The following DPP9 variants were observed in gnomAD, a reference collection of about 807,000 sequenced individuals.
The protein encoded by DPP9 is dipeptidyl peptidase 9.
DPP9 carries 50 observed loss-of-function variants against 110.7 expected under a neutral mutation model. The ratio of observed to expected loss-of-function variants is 0.45; its 90% CI spans 0.36 to 0.57. The LOEUF is 0.57. DPP9 is among the 20% of genes least tolerant of loss of function. The probability of loss-of-function intolerance (pLI) is 0.00; values close to 1 mark genes in which losing one functional copy is unlikely to be tolerated. For missense variants in DPP9, 1,022 were observed against 1,217.9 expected (o/e 0.84, Z 2.39); for synonymous variants, 561 against 514.4 (o/e 1.09, Z -1.23).
rs2091660396 is a variant in DPP9, at chr19:4,694,921, G to C, written c.1354-98C>G. On this transcript the variant is annotated intron_variant, in intron 12 of 21. Coordinates refer to ENST00000262960, the MANE Select transcript of DPP9 (RefSeq NM_139159.5). This position sits in a 1 kb window ranked among gnomAD's most constrained non-coding sequence, Gnocchi z 4.0. ...CCAGTAGTTTGGGAGGCTGGGGCAGGAGACTTGCTTGAGCCCAGGAATTTC... is the reference window on the plus strand; with the variant it reads ...CCAGTAGTTTGGGAGGCTGGGGCAGCAGACTTGCTTGAGCCCAGGAATTTC... 1 of 1,281,170 alleles carries C rather than the reference G, an allele frequency of 7.8e-7. No individual in the cohort carries two copies. The highest frequency in any genetic ancestry group is 1.1e-6 in the Non-Finnish European group (1 of 916,850). The allele number at this position is 1,281,170 out of a possible 1,614,324, so 79.4% of individuals were successfully genotyped here. A position where few individuals can be genotyped will look rare whatever the true frequency, so the allele number is the denominator to read the frequency against.
At chr19:4,678,311 C>T (rs1427461835) in intron 21 of DPP9, among the ~76,000 whole-genome samples, 2 of 151,946 alleles carry the variant, frequency 1.3e-5, no homozygotes, top group Non-Finnish European at 1.5e-5. Flanking sequence ...CGGAGCTTTG[C>T]CATGTTAGCC....
In DPP9 at chr19:4,676,355, CAAG is replaced by C; in HGVS notation, c.*206_*208del. 1.7e-6 allele frequency: 1 copy of C among 581,472 alleles called. No individual in the cohort carries two copies. The highest frequency in any genetic ancestry group is 3.1e-6 in the Non-Finnish European group (1 of 323,868). 36.0% of individuals were successfully genotyped at this position (581,472 alleles called of 1,614,324 possible). On this transcript the variant is annotated 3_prime_UTR_variant, in exon 22 of 22. Coordinates refer to ENST00000262960, the MANE Select transcript of DPP9 (RefSeq NM_139159.5). This position sits in a 1 kb window ranked among gnomAD's most constrained non-coding sequence, Gnocchi z 4.0. ...ACCACCATCTCTCTGTCTCGGCAAC[CAAG>C]AAGCAGCGGACATAAAACCCAAGAG...
At chr19:4,679,480 A>G (rs2089477937) in intron 21 of DPP9, 1 of 291,096 alleles carries the variant, frequency 3.4e-6, no homozygotes, top group Non-Finnish European at 6.7e-6. Context: ...TTCAGCACTC[A>G]GCGGTTTCTT....
Position 4,686,104 on chromosome 19 carries a change from T to C in DPP9, c.1886-333A>G, listed in dbSNP as rs376944561. ...CCAATTAGGATGGTGGGGGTTTTTC[T>C]GTTTTTTTTCTTTTTCTTCTTTTTT... On this transcript the variant is annotated intron_variant, in intron 16 of 21. Coordinates refer to ENST00000262960, the MANE Select transcript of DPP9 (RefSeq NM_139159.5). Among the ~76,000 whole-genome samples, 26 of 151,866 alleles carry C rather than the reference T, an allele frequency of 1.7e-4. No individual in the cohort carries two copies. In the South Asian group the frequency reaches 4.8e-3, roughly 28 times the overall value.
At chr19:4,688,584 G>T in intron 16 of DPP9, 173 bp downstream of exon 16, 2 of 822,084 alleles carry the variant, frequency 2.4e-6, no homozygotes, top group Non-Finnish European at 3.4e-6. Flanking sequence ...GACGGCAGGG[G>T]CTGTGGCTTA....
intron 13 of DPP9, among the ~76,000 whole-genome samples, chr19:4,692,934 G>A (rs989285899): frequency 4.6e-5 from 7 of 152,162 alleles, no homozygotes; most frequent in East Asian, 1.9e-4. Flanking sequence ...CCGCCGGTCC[G>A]CATCATACTC....
In DPP9 at chr19:4,684,144, G is replaced by C. The variant is rs1482749017; in HGVS notation, c.2179-515C>G. On this transcript the variant is annotated intron_variant, in intron 18 of 21. Transcript: ENST00000262960. The surrounding 1 kb of genome is among the most constrained non-coding windows in gnomAD (Gnocchi z 4.8). ...GGGCCCACTCATGTGAATGGGATGAGGGGCCCTTATAAAAGGGCCTGATGG... is the reference window on the plus strand; with the variant it reads ...GGGCCCACTCATGTGAATGGGATGACGGGCCCTTATAAAAGGGCCTGATGG... 3.5e-6 allele frequency: 1 copy of C among 288,068 alleles called. No individual in the cohort carries two copies. Among genetic ancestry groups the C allele is most frequent in the Non-Finnish European group, 6.8e-6 (1 of 145,994 alleles). 17.8% of individuals were successfully genotyped at this position (288,068 alleles called of 1,614,324 possible). A position where few individuals can be genotyped will look rare whatever the true frequency, so the allele number is the denominator to read the frequency against.
In DPP9 at chr19:4,702,240, G is replaced by C. The variant is rs181153754; in HGVS notation, c.884-85C>G. 88 of 1,494,442 alleles carry C rather than the reference G, an allele frequency of 5.9e-5. No individual in the cohort carries two copies. In the African/African-American group the frequency reaches 1.2e-3, roughly 20 times the overall value. The allele number at this position is 1,494,442 out of a possible 1,614,324, so 92.6% of individuals were successfully genotyped here. A position where few individuals can be genotyped will look rare whatever the true frequency, so the allele number is the denominator to read the frequency against. On this transcript the variant is annotated intron_variant, in intron 8 of 21. Transcript: ENST00000262960. Reference sequence around the variant, plus strand: ...CACCCCCCGCCCCCTGCAGCACCGGGGCCTGAAGATGGGCACCGAGGGCTC... The same window carrying C: ...CACCCCCCGCCCCCTGCAGCACCGGCGCCTGAAGATGGGCACCGAGGGCTC...
intron 21 of DPP9, among the ~76,000 whole-genome samples, chr19:4,677,743 A>G (rs2089082601): frequency 1.3e-5 from 2 of 152,196 alleles, no homozygotes; most frequent in Non-Finnish European, 2.9e-5. Context: ...GACACCAGCC[A>G]TATGCACATG....
At chr19:4,715,000 A>T (rs2093009608) in intron 3 of DPP9, among the ~76,000 whole-genome samples, 1 of 126,730 alleles carries the variant, frequency 7.9e-6, no homozygotes, top group African/African-American at 2.9e-5. Flanking sequence ...CTTCTTTGAT[A>T]TATGTTTATA....
chr19:4,676,105 C>CA lies in DPP9; in HGVS notation c.*458dup. 6.0e-6 allele frequency: 1 copy of CA among 167,106 alleles called. No homozygotes were observed. Among genetic ancestry groups the CA allele is most frequent in the South Asian group, 1.5e-4 (1 of 6,514 alleles). 10.4% of individuals were successfully genotyped at this position (167,106 alleles called of 1,614,324 possible). A position where few individuals can be genotyped will look rare whatever the true frequency, so the allele number is the denominator to read the frequency against. On this transcript the variant is annotated 3_prime_UTR_variant, in exon 22 of 22. Transcript: ENST00000262960. This position sits in a 1 kb window ranked among gnomAD's most constrained non-coding sequence, Gnocchi z 4.0. ...TAAATAATTATGAAAAATATCCCCC[C>CA]AAACAAAACACAAACATCAAGTTGG...
Position 4,695,591 on chromosome 19 carries a change from G to C in DPP9, c.1176-36C>G. On this transcript the variant is annotated intron_variant, in intron 11 of 21. Coordinates refer to ENST00000262960, the MANE Select transcript of DPP9 (RefSeq NM_139159.5). This position sits in a 1 kb window ranked among gnomAD's most constrained non-coding sequence, Gnocchi z 4.7. ...AGATGCGGGGGAAGATGAGAGGGAA[G>C]CTGGGAGCCTCAGTGGCCTGCACAG... is the stretch of plus-strand genomic sequence containing the variant. 2.1e-6 allele frequency: 3 copies of C among 1,435,726 alleles called. No homozygotes were observed. The highest frequency in any genetic ancestry group is 1.5e-5 in the South Asian group (1 of 67,208). 88.9% of individuals were successfully genotyped at this position (1,435,726 alleles called of 1,614,324 possible).
intron 19 of DPP9, 168 bp downstream of exon 19, chr19:4,683,309 C>T (rs576625122): frequency 6.9e-6 from 10 of 1,446,406 alleles, no homozygotes; most frequent in Admixed American, 5.3e-5. Flanking sequence ...GAGGGGGGCT[C>T]GGCCCCGTGG....
chr19:4,677,245 G>GAA (rs1331653659), intron 21 of DPP9, among the ~76,000 whole-genome samples: 8 of 152,106 alleles, frequency 5.3e-5, no homozygotes, highest in African/African-American at 1.9e-4. Context: ...GATCCACACG[G>GAA]GGATGCAGGT....
rs535772773 is a variant in DPP9 at position 4,694,584 on chromosome 19, G to C, written c.1516+77C>G. 6.6e-7 allele frequency: 1 copy of C among 1,522,106 alleles called. No individual in the cohort carries two copies. Among genetic ancestry groups the C allele is most frequent in the Non-Finnish European group, 8.9e-7 (1 of 1,126,250 alleles). 94.3% of individuals were successfully genotyped at this position (1,522,106 alleles called of 1,614,324 possible). A position where few individuals can be genotyped will look rare whatever the true frequency, so the allele number is the denominator to read the frequency against. On this transcript the variant is annotated intron_variant, in intron 13 of 21. Transcript: ENST00000262960. The surrounding 1 kb of genome is among the most constrained non-coding windows in gnomAD (Gnocchi z 4.0). ...GGTGTGCTGGCTGAGTGGGGGGGCC[G>C]ACCAATGAACAAACAGCATATTGAA... is the stretch of plus-strand genomic sequence containing the variant.
In DPP9 at chr19:4,689,495, G is replaced by A. The variant is rs1215418037; in HGVS notation, c.1749+75C>T. ...TGAGAATGACCCTGAGTGCTGTGCC[G>A]GGCCATGAGGGACTGCTCTGGCTGG... On this transcript the variant is annotated intron_variant, in intron 15 of 21. Transcript: ENST00000262960. This position sits in a 1 kb window ranked among gnomAD's most constrained non-coding sequence, Gnocchi z 7.0. 1.3e-5 allele frequency: 19 copies of A among 1,500,932 alleles called. No individual in the cohort carries two copies. The highest frequency in any genetic ancestry group is 2.5e-5 in the East Asian group (1 of 40,084). The allele number at this position is 1,500,932 out of a possible 1,614,324, so 93.0% of individuals were successfully genotyped here. A position where few individuals can be genotyped will look rare whatever the true frequency, so the allele number is the denominator to read the frequency against.
rs1252872572 is a variant in DPP9 at position 4,695,785 on chromosome 19, C to T, written c.1176-230G>A. ...ACAAGATTTCATGATCCAAGTGTTC[C>T]GGAAACAATGGCCTAAGTCTCACAG... On this transcript the variant is annotated intron_variant, in intron 11 of 21. Transcript: ENST00000262960. This position sits in a 1 kb window ranked among gnomAD's most constrained non-coding sequence, Gnocchi z 4.7. 6.6e-6 allele frequency among the ~76,000 whole-genome samples: 1 copy of T among 152,168 alleles called. No individual in the cohort carries two copies. Among genetic ancestry groups the T allele is most frequent in the African/African-American group, 2.4e-5 (1 of 41,406 alleles).
In DPP9 at chr19:4,718,967, G is replaced by A. The variant is rs751749416; in HGVS notation, c.56+884C>T. 7.9e-5 allele frequency among the ~76,000 whole-genome samples: 12 copies of A among 152,132 alleles called. No individual in the cohort carries two copies. In the South Asian group the frequency reaches 8.3e-4, roughly 11 times the overall value. On this transcript the variant is annotated intron_variant, in intron 3 of 21. Coordinates refer to ENST00000262960, the MANE Select transcript of DPP9 (RefSeq NM_139159.5). The surrounding 1 kb of genome is among the most constrained non-coding windows in gnomAD (Gnocchi z 4.3). ...AGACATGGAGTTTACTGACTGCCCC[G>A]GGGGGTGCGTGTCTAACCACATTCC...
rs182103254 is a variant in DPP9 at position 4,694,762 on chromosome 19, C to G, written c.1415G>C (p.Arg472Pro). The G allele has an allele frequency of 6.2e-7, 1 of 1,613,852 alleles. No homozygotes were observed. The highest frequency in any genetic ancestry group is 8.5e-7 in the Non-Finnish European group (1 of 1,179,864). ...GAAGCCGGTCTTGCATTCATTGGCG[C>G]GGAGAAAGCAGAGCTCGTCCTCTCC... The part of the protein sequence containing the change: ...SEGEDELCFL[R>P]ANECKTGFCH... The change falls in exon 13 of 22, where the codon CGC becomes CCC. Residue 472 changes from arginine (R) to proline (P), a missense_variant. Arg to Pro is a moderately radical substitution (Grantham distance 103, BLOSUM62 -2). This residue lies in a region of DPP9 where 810 missense variants were observed against 920.6 expected (regional missense o/e 0.88). Transcript: ENST00000262960. The surrounding 1 kb of genome is among the most constrained non-coding windows in gnomAD (Gnocchi z 4.0).
Sources: allele counts gnomAD v4.1 joint callset (sites outside exome capture counted in the v4.1 genomes callset), GRCh38; gene constraint gnomAD v4.1.1; regional missense constraint gnomAD v4.1.1; non-coding constraint Gnocchi (gnomAD v3.1); transcripts MANE v1.5; gene names NCBI Gene and HGNC (gene_info 2026-07-23, HGNC 2026-07-21).